ASCC3: variants seen among roughly 807,000 people sequenced by gnomAD.
The protein encoded by ASCC3 is ASC-1 complex subunit P200.
A neutral mutation model predicts 256.3 loss-of-function variants in ASCC3; 158 were observed. That is an observed-to-expected ratio of 0.62 (90% CI 0.54 to 0.70). ASCC3 has a LOEUF of 0.70. ASCC3 is among the 30% of genes least tolerant of loss of function. The pLI is 0.00. For synonymous variants in ASCC3, 948 were observed against 883.4 expected (o/e 1.07, Z -1.30); for missense variants, 2,259 against 2,626.0 (o/e 0.86, Z 3.05).
intron 33 of ASCC3, among the ~76,000 whole-genome samples, chr6:100,604,900 A>G (rs995380892): frequency 1.3e-5 from 2 of 152,162 alleles, no homozygotes; most frequent in African/African-American, 2.4e-5. Context: ...TAAAAGGTAG[A>G]AAGTGATAAG....
At chr6:100,827,514 T>C (rs1013836506) in intron 4 of ASCC3, among the ~76,000 whole-genome samples, 1 of 152,328 alleles carries the variant, frequency 6.6e-6, no homozygotes, top group African/African-American at 2.4e-5. Flanking sequence ...TGATAGCTCA[T>C]TTCTTTTTAT....
At chr6:100,782,497 G>A (rs145603244) in intron 8 of ASCC3, among the ~76,000 whole-genome samples, 2 of 151,958 alleles carry the variant, frequency 1.3e-5, no homozygotes, top group East Asian at 1.9e-4. Flanking sequence ...AAAATATTTC[G>A]CTCACAAATC....
chr6:100,582,931 T>A (rs1385333073), intron 36 of ASCC3, among the ~76,000 whole-genome samples: 1 of 152,206 alleles, frequency 6.6e-6, no homozygotes, highest in South Asian at 2.1e-4. Flanking sequence ...ATCCCAGAGA[T>A]GAAGCCCACT....
rs1196978812 is a variant in ASCC3 at position 100,509,875 on chromosome 6, G to A, written c.6461+57C>T. 5.7e-5 allele frequency: 87 copies of A among 1,536,746 alleles called. No individual in the cohort carries two copies. The East Asian group carries it at 7.3e-4, about 13-fold the overall frequency. ...TGCACTCCAGCCTGGGCGACAGAGC[G>A]AGACTCCGCCTCAAAAAAAAAAAAA... is the stretch of plus-strand genomic sequence containing the variant. On this transcript the variant is annotated intron_variant, in intron 41 of 41. Transcript: ENST00000369162.
intron 13 of ASCC3, among the ~76,000 whole-genome samples, chr6:100,689,176 C>CGTT (rs1777722069): frequency 1.3e-5 from 2 of 152,144 alleles, no homozygotes; most frequent in South Asian, 2.1e-4. Flanking sequence ...TCCCATCACA[C>CGTT]GTTGTTCATA....
At chr6:100,576,508 TA>T (rs1039481384) in intron 36 of ASCC3, among the ~76,000 whole-genome samples, 12 of 151,758 alleles carry the variant, frequency 7.9e-5, no homozygotes, top group East Asian at 3.9e-4. Flanking sequence ...AAATAGGGTA[TA>T]AAAAAAAGTT....
At position 100,510,118 on chromosome 6, in the gene ASCC3, G is replaced by A. The variant is rs747114970; in HGVS notation, c.6286-11C>T. 1 of 1,613,692 alleles carries A rather than the reference G, an allele frequency of 6.2e-7. No homozygotes were observed. Among genetic ancestry groups the A allele is most frequent in the South Asian group, 1.1e-5 (1 of 91,048 alleles). ...GCTCTCTGGCTTTCCCTGTAAACCA[G>A]AAAAAAAGATACAACATTAAAAATA... On this transcript the variant is annotated splice_polypyrimidine_tract_variant and intron_variant, in intron 40 of 41. Coordinates refer to ENST00000369162, the MANE Select transcript of ASCC3 (RefSeq NM_006828.4).
chr6:100,563,083 T>A (rs986393975), intron 36 of ASCC3, among the ~76,000 whole-genome samples: 1 of 151,954 alleles, frequency 6.6e-6, no homozygotes, highest in Admixed American at 6.6e-5. Flanking sequence ...ACCACTGGAG[T>A]GTTAGTGGCT....
intron 4 of ASCC3, among the ~76,000 whole-genome samples, chr6:100,807,347 T>A (rs2114370820): frequency 6.6e-6 from 1 of 150,598 alleles, no homozygotes; most frequent in East Asian, 2.0e-4. Context: ...AGAAAGGGTT[T>A]AGGACAGACA....
intron 36 of ASCC3, among the ~76,000 whole-genome samples, chr6:100,552,315 TTTAAAAAATATGATTC>T (rs1305763570): frequency 6.6e-6 from 1 of 151,994 alleles, no homozygotes; most frequent in Non-Finnish European, 1.5e-5. Context: ...ATTAACCTAC[TTTAAAAAATATGATTC>T]TTAAAGTGTT....
At chr6:100,646,521 A>G in intron 22 of ASCC3, 94 bp downstream of exon 22, 1 of 1,308,036 alleles carries the variant, frequency 7.6e-7, no homozygotes, top group Non-Finnish European at 1.1e-6. Flanking sequence ...TATTCTTTTT[A>G]GAGGATTTTC....
At chr6:100,666,998 T>TATAC (rs1481752120) in intron 14 of ASCC3, among the ~76,000 whole-genome samples, 2 of 152,222 alleles carry the variant, frequency 1.3e-5, no homozygotes, top group African/African-American at 2.4e-5. Flanking sequence ...GACAGACTCA[T>TATAC]ATACAAGTGA....
At chr6:100,844,979 G>A (rs1254633813) in intron 4 of ASCC3, among the ~76,000 whole-genome samples, 1 of 152,068 alleles carries the variant, frequency 6.6e-6, no homozygotes, top group Non-Finnish European at 1.5e-5. Context: ...GGATCTAAAA[G>A]TTTCATCCTT....
At chr6:100,636,701 C>T (rs1031288673) in intron 25 of ASCC3, among the ~76,000 whole-genome samples, 1 of 152,168 alleles carries the variant, frequency 6.6e-6, no homozygotes, top group Non-Finnish European at 1.5e-5. Context: ...ATGAAAAGTG[C>T]TACTTCATTG....
At chr6:100,564,672 C>T (rs1770136908) in intron 36 of ASCC3, among the ~76,000 whole-genome samples, 3 of 152,118 alleles carry the variant, frequency 2.0e-5, no homozygotes, top group African/African-American at 7.2e-5. Context: ...TATCATGGTT[C>T]CTCTTGTACC....
At chr6:100,748,777 T>C (rs1008317312) in intron 10 of ASCC3, among the ~76,000 whole-genome samples, 5 of 152,200 alleles carry the variant, frequency 3.3e-5, no homozygotes, top group African/African-American at 1.2e-4. Context: ...CCAAGATTAG[T>C]CTGCATTCAG....
intron 8 of ASCC3, 35 bp from the exon 9 acceptor site, chr6:100,767,380 A>G (rs1172243496): frequency 6.3e-7 from 1 of 1,580,278 alleles, no homozygotes; most frequent in South Asian, 1.1e-5. Context: ...TATAAATAGT[A>G]ACAATGTGAA....
intron 34 of ASCC3, among the ~76,000 whole-genome samples, chr6:100,599,164 A>G (rs908762693): frequency 1.4e-4 from 22 of 152,214 alleles, no homozygotes; most frequent in African/African-American, 5.3e-4. Flanking sequence ...CACATATTTT[A>G]GGGTCTTTCA....
Position 100,655,572 on chromosome 6 carries a change from T to A in ASCC3, c.2823+127A>T. 3 of 1,081,022 alleles carry A rather than the reference T, an allele frequency of 2.8e-6. No individual in the cohort carries two copies. The South Asian group carries it at 4.5e-5, about 16-fold the overall frequency. The allele number at this position is 1,081,022 out of a possible 1,614,324, so 67.0% of individuals were successfully genotyped here. The stretch of plus-strand genomic sequence containing the variant: ...ATCTAATTTTTTGAAAAATATTAAA[T>A]CTCTTGTTTTTCTTCTAGGTACCTC... On this transcript the variant is annotated intron_variant, in intron 17 of 41. Coordinates refer to ENST00000369162, the MANE Select transcript of ASCC3 (RefSeq NM_006828.4).
Sources: allele counts gnomAD v4.1 joint callset (sites outside exome capture counted in the v4.1 genomes callset), GRCh38; gene constraint gnomAD v4.1.1; transcripts MANE v1.5; gene names NCBI Gene and HGNC (gene_info 2026-07-23, HGNC 2026-07-21).